ZBTB38: variants seen among roughly 807,000 people sequenced by gnomAD.
The protein encoded by ZBTB38 is zinc finger and BTB domain containing 38.
A neutral mutation model predicts 76.8 loss-of-function variants in ZBTB38; 20 were observed. The ratio of observed to expected loss-of-function variants is 0.26; its 90% CI spans 0.18 to 0.38. The LOEUF (loss-of-function observed/expected upper bound fraction) is 0.38, where lower values mean the gene tolerates loss of function less well. ZBTB38 is among the 10% of genes least tolerant of loss of function. The pLI is 1.00. For missense variants in ZBTB38, 1,082 were observed against 1,482.3 expected, an observed-to-expected ratio of 0.73 and a Z score of 4.43; for synonymous variants, 504 against 544.2, an observed-to-expected ratio of 0.93 and a Z score of 1.03.
intron 5 of ZBTB38, among the ~76,000 whole-genome samples, chr3:141,424,882 C>T (rs908372426): frequency 6.6e-6 from 1 of 152,154 alleles, no homozygotes; most frequent in Admixed American, 6.5e-5. Flanking sequence ...ACATTTTTGA[C>T]TAATAATTAA....
chr3:141,416,702 G>A (rs1272505010), intron 5 of ZBTB38, among the ~76,000 whole-genome samples: 2 of 152,152 alleles, frequency 1.3e-5, no homozygotes, highest in East Asian at 1.9e-4. Context: ...GATGAGAGGT[G>A]GACTCTAAAG....
intron 1 of ZBTB38, among the ~76,000 whole-genome samples, chr3:141,336,340 A>G (rs1240235220): frequency 6.6e-6 from 1 of 152,192 alleles, no homozygotes; most frequent in Non-Finnish European, 1.5e-5. Context: ...ACCAAGAGCA[A>G]CTGGCATGGT....
intron 1 of ZBTB38, among the ~76,000 whole-genome samples, chr3:141,343,819 T>A (rs1159471598): frequency 6.6e-6 from 1 of 152,206 alleles, no homozygotes; most frequent in Non-Finnish European, 1.5e-5. Context: ...ATGGCTCAGA[T>A]TCGTGTTGTT....
chr3:141,376,689 T>A (rs1317445044), intron 2 of ZBTB38, among the ~76,000 whole-genome samples: 1 of 152,210 alleles, frequency 6.6e-6, no homozygotes, highest in African/African-American at 2.4e-5. Context: ...GATACTCAGA[T>A]GACATTCTAA....
At chr3:141,368,832 C>A (rs994297887) in intron 1 of ZBTB38, 28 bp downstream of exon 1, 1 of 151,988 alleles carries the variant, frequency 6.6e-6, no homozygotes, top group Non-Finnish European at 1.5e-5. Context: ...TTTGGCCCCC[C>A]CTCACTCAGC....
intron 5 of ZBTB38, among the ~76,000 whole-genome samples, chr3:141,437,890 TTTTTTC>T (rs774912314): frequency 9.2e-5 from 14 of 152,310 alleles, no homozygotes; most frequent in African/African-American, 2.4e-4. Context: ...CTTGCCTTTC[TTTTTTC>T]TTTTTCTTTT....
In ZBTB38 at chr3:141,443,028, C is replaced by T. The variant is rs755821090; in HGVS notation, c.640C>T (p.Pro214Ser). 1.2e-6 allele frequency: 2 copies of T among 1,614,254 alleles called. No homozygotes were observed. The highest frequency in any genetic ancestry group is 1.7e-6 in the Non-Finnish European group (2 of 1,180,044). Residue 214 changes from proline (P) to serine (S), a missense_variant, in exon 6 of 6, where the codon CCT becomes TCT. Physicochemically the swap from Pro to Ser is moderately conservative, Grantham distance 74. This residue lies in a region of ZBTB38 where 324 missense variants were observed against 359.1 expected (regional missense o/e 0.90). Transcript: ENST00000321464. The surrounding 1 kb of genome is among the most constrained non-coding windows in gnomAD (Gnocchi z 5.6). Reference sequence around the variant, plus strand: ...GACGGACGTCTGCCACGAGGCAGAGCCTGTCCGCACACTTGCCGAGCACTC... The same window carrying T: ...GACGGACGTCTGCCACGAGGCAGAGTCTGTCCGCACACTTGCCGAGCACTC... The part of the protein sequence containing the change: ...ERTDVCHEAE[P>S]VRTLAEHSYA...
intron 2 of ZBTB38, among the ~76,000 whole-genome samples, chr3:141,370,214 C>G (rs1456462487): frequency 6.6e-6 from 1 of 152,228 alleles, no homozygotes; most frequent in Non-Finnish European, 1.5e-5. Context: ...CATTCAGAGA[C>G]ACAGGTAGAG....
At chr3:141,335,527 T>C (rs2148892010) in intron 1 of ZBTB38, among the ~76,000 whole-genome samples, 1 of 152,332 alleles carries the variant, frequency 6.6e-6, no homozygotes, top group Non-Finnish European at 1.5e-5. Context: ...GGAGCACAGA[T>C]AACCTACAAG....
chr3:141,373,783 G>T (rs909229363), intron 2 of ZBTB38, among the ~76,000 whole-genome samples: 1 of 152,156 alleles, frequency 6.6e-6, no homozygotes, highest in African/African-American at 2.4e-5. Context: ...AGAATAAGTA[G>T]GTGATATATG....
chr3:141,417,470 AG>A (rs1429402619), intron 5 of ZBTB38, among the ~76,000 whole-genome samples: 1 of 152,186 alleles, frequency 6.6e-6, no homozygotes, highest in Non-Finnish European at 1.5e-5. Context: ...GCAGTAGAAC[AG>A]GCACGTCAGT....
At chr3:141,434,808 G>A (rs2078383496) in intron 5 of ZBTB38, among the ~76,000 whole-genome samples, 1 of 151,614 alleles carries the variant, frequency 6.6e-6, no homozygotes, top group Admixed American at 6.6e-5. Flanking sequence ...AAACACAAAT[G>A]TCCTTATAAG....
intron 5 of ZBTB38, among the ~76,000 whole-genome samples, chr3:141,437,903 TTTTTC>T (rs747378202): frequency 7.9e-5 from 12 of 152,290 alleles, no homozygotes; most frequent in Admixed American, 5.9e-4. Context: ...TTTCTTTTTC[TTTTTC>T]TTTTATTTAT....
At chr3:141,432,295 G>A in intron 5 of ZBTB38, 5 of 984,250 alleles carry the variant, frequency 5.1e-6, no homozygotes, top group Non-Finnish European at 3.6e-6. Flanking sequence ...TTATTTCTAC[G>A]TTTCTTTTTA....
chr3:141,422,519 G>C (rs994270246), intron 5 of ZBTB38, among the ~76,000 whole-genome samples: 1 of 152,192 alleles, frequency 6.6e-6, no homozygotes, highest in Non-Finnish European at 1.5e-5. Context: ...TGGTGAAGCT[G>C]GGTGCCCTGA....
intron 1 of ZBTB38, among the ~76,000 whole-genome samples, chr3:141,330,675 C>A (rs970648424): frequency 1.3e-5 from 2 of 152,188 alleles, no homozygotes; most frequent in African/African-American, 2.4e-5. Flanking sequence ...AAACTTAATC[C>A]CCAATGGGGC....
At chr3:141,395,409 G>A (rs1039357848) in intron 4 of ZBTB38, among the ~76,000 whole-genome samples, 1 of 152,134 alleles carries the variant, frequency 6.6e-6, no homozygotes, top group Non-Finnish European at 1.5e-5. Context: ...GAACTTTAGC[G>A]TGAGTGACTC....
intron 5 of ZBTB38, among the ~76,000 whole-genome samples, chr3:141,441,046 AAAAAG>A (rs1453082257): frequency 4.6e-5 from 7 of 151,738 alleles, no homozygotes; most frequent in Non-Finnish European, 1.0e-4. Context: ...AAAAAAAAAA[AAAAAG>A]AAAAGAAAAA....
chr3:141,359,261 C>T (rs1943751705), intron 1 of ZBTB38, among the ~76,000 whole-genome samples: 1 of 152,188 alleles, frequency 6.6e-6, no homozygotes, highest in Admixed American at 6.5e-5. Flanking sequence ...AAGGAATCAC[C>T]TCTTCATACA....
Sources: gnomAD v4.1 joint callset for allele counts (sites outside exome capture counted in the v4.1 genomes callset) on GRCh38, gnomAD v4.1.1 for gene constraint, gnomAD v4.1.1 regional missense constraint, Gnocchi (gnomAD v3.1) non-coding constraint, MANE v1.5 for transcripts, NCBI Gene and HGNC (gene_info 2026-07-23, HGNC 2026-07-21) for gene names.